Variants in RAD54B observed in about 807,000 individuals in gnomAD.
RAD54B encodes DNA repair and recombination protein RAD54B.
In RAD54B, 78 loss-of-function variants were observed where a neutral mutation model predicts 95.8. That is an observed-to-expected ratio of 0.81 (90% CI 0.68 to 0.98). The LOEUF (loss-of-function observed/expected upper bound fraction) is 0.98, where lower values mean the gene tolerates loss of function less well. RAD54B is among the 50% of genes least tolerant of loss of function. The pLI is 0.00. For synonymous variants in RAD54B, 328 were observed against 354.9 expected, an observed-to-expected ratio of 0.92 and a Z score of 0.85; for missense variants, 957 against 1,056.6, an observed-to-expected ratio of 0.91 and a Z score of 1.31.
intron 3 of RAD54B, among the ~76,000 whole-genome samples, chr8:94,440,596 G>A (rs1812375956): frequency 6.6e-6 from 1 of 152,140 alleles, no homozygotes; most frequent in South Asian, 2.1e-4. Flanking sequence ...AAGAATCACT[G>A]TGCTGTCTGA....
Position 94,399,460 on chromosome 8 carries a change from AG to A in RAD54B, c.1331del (p.Thr444IlefsTer13), listed in dbSNP as rs780315013. 1 of 1,613,658 alleles carries A rather than the reference AG, an allele frequency of 6.2e-7. No homozygotes were observed. The highest frequency in any genetic ancestry group is 1.1e-5 in the South Asian group (1 of 91,080). On this transcript the variant is annotated frameshift_variant, in exon 8 of 15. Transcript: ENST00000336148. LOFTEE classifies it high-confidence loss of function. The stretch of plus-strand genomic sequence containing the variant: ...CACAAGAAAGGCTAATGAGGGCTGT[AG>A]TTGTCTTAATGGCACTGTTCTTCAA... ...HRLKNSAIKT[T>X]TALISLSCEK... is the part of the protein sequence containing the mutation.
intron 14 of RAD54B, among the ~76,000 whole-genome samples, chr8:94,372,847 C>T (rs1810474282): frequency 6.6e-6 from 1 of 152,016 alleles, no homozygotes; most frequent in South Asian, 2.1e-4. Context: ...GATAAACTCA[C>T]ATCAATTTAG....
chr8:94,390,066 G>A (rs1810979897), intron 10 of RAD54B, among the ~76,000 whole-genome samples: 3 of 152,016 alleles, frequency 2.0e-5, no homozygotes, highest in Non-Finnish European at 2.9e-5. Context: ...GCGGCTGGGC[G>A]CAGTGGCTCA....
intron 3 of RAD54B, among the ~76,000 whole-genome samples, chr8:94,457,138 G>A (rs3098704): frequency 0.095 from 14,484 of 152,100 alleles, 1,142 homozygotes; most frequent in East Asian, 0.32. Flanking sequence ...AAAAGAACTG[G>A]GCATACATGG....
intron 12 of RAD54B, 124 bp downstream of exon 12, chr8:94,380,021 C>T (rs1387196246): frequency 1.9e-6 from 2 of 1,075,928 alleles, no homozygotes; most frequent in Non-Finnish European, 2.6e-6. Context: ...TAGGAGAGTG[C>T]CTCACGCAAA....
At chr8:94,439,964 G>GT (rs1812361569) in intron 3 of RAD54B, among the ~76,000 whole-genome samples, 1 of 152,208 alleles carries the variant, frequency 6.6e-6, no homozygotes, top group African/African-American at 2.4e-5. Flanking sequence ...CAAGGGGAAA[G>GT]TGGATTCTCT....
At chr8:94,394,838 G>A in intron 8 of RAD54B, among the ~76,000 whole-genome samples, 1 of 152,118 alleles carries the variant, frequency 6.6e-6, no homozygotes, top group Admixed American at 6.6e-5. Flanking sequence ...CATTAAGATA[G>A]ATGACATAAC....
chr8:94,398,143 T>C (rs1811188960), intron 8 of RAD54B, among the ~76,000 whole-genome samples: 1 of 152,106 alleles, frequency 6.6e-6, no homozygotes. Context: ...AAACATTCAT[T>C]GGGCATCCAG....
At chr8:94,413,693 T>A (rs989983330) in intron 3 of RAD54B, among the ~76,000 whole-genome samples, 1 of 152,060 alleles carries the variant, frequency 6.6e-6, no homozygotes, top group Non-Finnish European at 1.5e-5. Flanking sequence ...AAATTATTAA[T>A]CAACTTTTAT....
rs2129947215 is a variant in RAD54B at position 94,377,750 on chromosome 8, G to A, written c.2515+430C>T. Reference sequence around the variant, plus strand: ...CCAGCACTTTGGGAGGCCGAGGCGGGCGGATCACGAGGTCAGGAGATCGAG... The same window carrying A: ...CCAGCACTTTGGGAGGCCGAGGCGGACGGATCACGAGGTCAGGAGATCGAG... On this transcript the variant is annotated intron_variant, in intron 14 of 14. Transcript: ENST00000336148. 1.3e-5 allele frequency among the ~76,000 whole-genome samples: 2 copies of A among 151,028 alleles called. 1 individual carries two copies. The highest frequency in any genetic ancestry group is 3.9e-4 in the East Asian group (2 of 5,126).
chr8:94,437,085 A>G (rs1812285301), intron 3 of RAD54B: 1 of 855,682 alleles, frequency 1.2e-6, no homozygotes, highest in Non-Finnish European at 1.6e-6. Context: ...AAAGCTTCTC[A>G]CTGAAGAAGA....
chr8:94,427,722 G>T (rs1811977599), intron 3 of RAD54B: 8 of 982,154 alleles, frequency 8.1e-6, no homozygotes, highest in Non-Finnish European at 9.7e-6. Context: ...TCAGTACAAA[G>T]TAGTATCTTG....
chr8:94,415,102 C>T (rs1811627432), intron 3 of RAD54B, among the ~76,000 whole-genome samples: 1 of 151,794 alleles, frequency 6.6e-6, no homozygotes, highest in African/African-American at 2.4e-5. Context: ...CATCACACTA[C>T]CTGACTTCAA....
At chr8:94,468,938 A>G (rs911408384) in intron 1 of RAD54B, among the ~76,000 whole-genome samples, 1 of 152,078 alleles carries the variant, frequency 6.6e-6, no homozygotes, top group Non-Finnish European at 1.5e-5. Flanking sequence ...CAGTCTGGGC[A>G]ACATAGCAGC....
intron 3 of RAD54B, among the ~76,000 whole-genome samples, chr8:94,442,731 G>A (rs901948002): frequency 6.6e-6 from 1 of 151,978 alleles, no homozygotes; most frequent in African/African-American, 2.4e-5. Context: ...TGAGGTGATG[G>A]CTGTCCTAAT....
intron 11 of RAD54B, among the ~76,000 whole-genome samples, chr8:94,384,296 C>A (rs759037578): frequency 2.6e-5 from 4 of 152,084 alleles, no homozygotes; most frequent in Non-Finnish European, 4.4e-5. Flanking sequence ...TATATACATA[C>A]AATGGAATAT....
chr8:94,462,042 G>T (rs1317769560), intron 2 of RAD54B, among the ~76,000 whole-genome samples: 2 of 151,870 alleles, frequency 1.3e-5, no homozygotes, highest in African/African-American at 4.8e-5. Context: ...ATCGTTTCTG[G>T]TCTTGAAATT....
intron 14 of RAD54B, among the ~76,000 whole-genome samples, 186 bp downstream of exon 14, chr8:94,377,994 A>G (rs1352653547): frequency 6.6e-6 from 1 of 151,680 alleles, no homozygotes; most frequent in Non-Finnish European, 1.5e-5. Context: ...AAAAAAAAAA[A>G]AAAAAGATTC....
At position 94,403,987 on chromosome 8, in the gene RAD54B, A is replaced by T. The variant is rs368008739; in HGVS notation, c.944+90T>A. 1.0e-5 allele frequency: 11 copies of T among 1,056,796 alleles called. No individual in the cohort carries two copies. In the East Asian group the frequency reaches 1.1e-4, roughly 10 times the overall value. 65.5% of individuals were successfully genotyped at this position (1,056,796 alleles called of 1,614,324 possible). A position where few individuals can be genotyped will look rare whatever the true frequency, so the allele number is the denominator to read the frequency against. On this transcript the variant is annotated intron_variant, in intron 6 of 14. Coordinates refer to ENST00000336148, the MANE Select transcript of RAD54B (RefSeq NM_012415.3). ...AATTCATAGTGTACCCTCAGGACTC[A>T]TTATATTAGGATCTTCTTAGAAAAC...
Sources: gnomAD v4.1 joint callset for allele counts (sites outside exome capture counted in the v4.1 genomes callset) on GRCh38, gnomAD v4.1.1 for gene constraint, MANE v1.5 for transcripts, NCBI Gene and HGNC (gene_info 2026-07-23, HGNC 2026-07-21) for gene names.